The following ADGRA1 variants were observed in gnomAD, a reference collection of about 807,000 sequenced individuals.
ADGRA1 encodes the protein G-protein coupled receptor 123.
ADGRA1 carries 12 observed loss-of-function variants against 21.3 expected under a neutral mutation model. That is an observed-to-expected ratio of 0.56 (90% CI 0.36 to 0.91). The LOEUF (loss-of-function observed/expected upper bound fraction) is 0.91. ADGRA1 is among the 40% of genes least tolerant of loss of function. The pLI is 0.01. For missense variants in ADGRA1, 790 were observed against 805.6 expected (o/e 0.98, Z 0.23); for synonymous variants, 385 against 368.8 (o/e 1.04, Z -0.50).
At chr10:133,123,585 C>T (rs1852316557) in intron 5 of ADGRA1, among the ~76,000 whole-genome samples, 2 of 152,204 alleles carry the variant, frequency 1.3e-5, no homozygotes, top group South Asian at 4.1e-4. Context: ...CTTCCCGTGG[C>T]TGCTGTGGCC....
intron 4 of ADGRA1, among the ~76,000 whole-genome samples, chr10:133,099,517 G>A (rs931942674): frequency 1.2e-4 from 18 of 152,294 alleles, no homozygotes; most frequent in South Asian, 1.0e-3. Flanking sequence ...ACACACAGAA[G>A]GGCTCCTCAC....
At chr10:133,089,638 A>G (rs991151058) in intron 2 of ADGRA1, among the ~76,000 whole-genome samples, 7 of 152,348 alleles carry the variant, frequency 4.6e-5, no homozygotes, top group African/African-American at 1.4e-4. Context: ...GAGAATGCCA[A>G]TGGCCTCTAG....
intron 4 of ADGRA1, among the ~76,000 whole-genome samples, chr10:133,100,170 G>T (rs1212773488): frequency 2.0e-5 from 3 of 152,234 alleles, no homozygotes; most frequent in Non-Finnish European, 4.4e-5. Flanking sequence ...CGTGCCCCCG[G>T]CCTGGGCCTG....
chr10:133,123,085 G>A (rs1399655698), intron 5 of ADGRA1, among the ~76,000 whole-genome samples: 1 of 152,200 alleles, frequency 6.6e-6, no homozygotes, highest in Non-Finnish European at 1.5e-5. Context: ...TGGCACGTTG[G>A]TCTCCGAGGG....
intron 6 of ADGRA1, among the ~76,000 whole-genome samples, chr10:133,127,852 G>T (rs1328026688): frequency 8.9e-6 from 1 of 112,160 alleles, no homozygotes; most frequent in African/African-American, 3.6e-5. Context: ...CCTCCGCCTG[G>T]CCCCGCCCAC....
intron 5 of ADGRA1, among the ~76,000 whole-genome samples, chr10:133,121,636 A>C (rs1852261808): frequency 9.1e-6 from 1 of 110,308 alleles, no homozygotes; most frequent in Non-Finnish European, 1.8e-5. Flanking sequence ...GATGTGTGCC[A>C]GTGTGCGTGT....
In ADGRA1 at chr10:133,089,023, T is replaced by G; in HGVS notation, c.3+111T>G. The G allele has an allele frequency of 4.1e-6, 5 of 1,234,328 alleles. No homozygotes were observed. The South Asian group carries it at 1.6e-4, about 40-fold the overall frequency. The allele number at this position is 1,234,328 out of a possible 1,614,324, so 76.5% of individuals were successfully genotyped here. A position where few individuals can be genotyped will look rare whatever the true frequency, so the allele number is the denominator to read the frequency against. ...GAAAAGTTGTGGAATGGCGAGCTGG[T>G]GACCGGGCTTCCGGGCTCAGTGCCG... On this transcript the variant is annotated intron_variant, in intron 2 of 6. Coordinates refer to ENST00000392607, the MANE Select transcript of ADGRA1 (RefSeq NM_001083909.3).
chr10:133,125,384 G>T (rs1852358464), intron 5 of ADGRA1, among the ~76,000 whole-genome samples: 1 of 151,990 alleles, frequency 6.6e-6, no homozygotes, highest in Admixed American at 6.6e-5. Context: ...TCCTTCTTTT[G>T]GATTATTTTA....
intron 5 of ADGRA1, among the ~76,000 whole-genome samples, chr10:133,123,265 G>T (rs1055715805): frequency 6.6e-6 from 1 of 152,202 alleles, no homozygotes; most frequent in Admixed American, 6.5e-5. Flanking sequence ...TCTGTGAAGC[G>T]TGTGCAGGTC....
intron 5 of ADGRA1, among the ~76,000 whole-genome samples, chr10:133,118,999 G>A (rs1852206786): frequency 6.6e-6 from 1 of 151,096 alleles, no homozygotes; most frequent in Non-Finnish European, 1.5e-5. Context: ...CACTTGCACT[G>A]CACACGTGCA....
At chr10:133,124,758 G>A (rs531865732) in intron 5 of ADGRA1, among the ~76,000 whole-genome samples, 1 of 152,272 alleles carries the variant, frequency 6.6e-6, no homozygotes, top group Non-Finnish European at 1.5e-5. Context: ...ACACCGGTGG[G>A]CCGAGGCTGT....
intron 5 of ADGRA1, among the ~76,000 whole-genome samples, chr10:133,108,253 C>A (rs751088702): frequency 6.6e-6 from 1 of 152,234 alleles, no homozygotes; most frequent in Non-Finnish European, 1.5e-5. Context: ...AGAGCTCTGC[C>A]TCGGGGCCTC....
chr10:133,115,219 C>T (rs1322851349), intron 5 of ADGRA1, among the ~76,000 whole-genome samples: 2 of 152,178 alleles, frequency 1.3e-5, no homozygotes, highest in African/African-American at 2.4e-5. Context: ...AGTCCACCCT[C>T]AGCCCCTGAG....
chr10:133,090,098 G>A (rs2135860970), intron 2 of ADGRA1, among the ~76,000 whole-genome samples: 1 of 152,378 alleles, frequency 6.6e-6, no homozygotes, highest in Non-Finnish European at 1.5e-5. Flanking sequence ...AGAGGACAGT[G>A]AACGGAGAAG....
rs2806452 is a variant in ADGRA1 at position 133,128,662 on chromosome 10, A to C, written c.834A>C (p.Ser278=). ...ATWAFGALAV[S]QGHFLDMVFS... ...GGGCCTTCGGGGCGCTGGCGGTGTC[A>C]CAGGGCCACTTCCTGGACATGGTCT... The change falls in exon 7 of 7, where the codon TCA becomes TCC. Residue 278 remains serine (S), a synonymous_variant. Transcript: ENST00000392607. 6.2e-7 allele frequency: 1 copy of C among 1,609,044 alleles called. No homozygotes were observed. The highest frequency in any genetic ancestry group is 1.1e-5 in the South Asian group (1 of 90,802).
chr10:133,095,190 C>T (rs996175814), intron 2 of ADGRA1, among the ~76,000 whole-genome samples: 1 of 152,178 alleles, frequency 6.6e-6, no homozygotes, highest in African/African-American at 2.4e-5. Flanking sequence ...ACTCACCCCA[C>T]GACTGTTGCA....
intron 5 of ADGRA1, among the ~76,000 whole-genome samples, chr10:133,120,190 G>A (rs1852229031): frequency 6.6e-6 from 1 of 152,200 alleles, no homozygotes; most frequent in Non-Finnish European, 1.5e-5. Flanking sequence ...GATTACCTGA[G>A]GTCAGGAGTT....
chr10:133,093,219 T>C (rs761444600), intron 2 of ADGRA1: 1 of 1,591,672 alleles, frequency 6.3e-7, no homozygotes, highest in South Asian at 1.1e-5. Context: ...TTCCCCAGGT[T>C]TGAAGAGGTC....
At chr10:133,095,800 T>C in intron 2 of ADGRA1, 2 of 1,596,694 alleles carry the variant, frequency 1.3e-6, no homozygotes, top group Non-Finnish European at 1.7e-6. Context: ...CCTCTGCCCA[T>C]GGCCCTTCCT....
Sources: allele counts gnomAD v4.1 joint callset (sites outside exome capture counted in the v4.1 genomes callset), GRCh38; gene constraint gnomAD v4.1.1; transcripts MANE v1.5; gene names NCBI Gene and HGNC (gene_info 2026-07-23, HGNC 2026-07-21).